LAMA3: variants seen among roughly 807,000 people sequenced by gnomAD.
LAMA3 encodes laminin subunit alpha 3.
Under a neutral mutation model 402.0 loss-of-function variants are expected in LAMA3, and 281 were observed. The ratio of observed to expected loss-of-function variants is 0.70; its 90% CI spans 0.63 to 0.77. LAMA3 has a LOEUF of 0.77. Ranked by LOEUF, LAMA3 falls within the 30% of genes least tolerant of loss-of-function variation. LAMA3 has a pLI of 0.00. For synonymous variants in LAMA3, 1,431 were observed against 1,558.4 expected (o/e 0.92, Z 1.93); for missense variants, 3,840 against 4,215.5 (o/e 0.91, Z 2.47).
chr18:23,912,697 C>T lies in LAMA3; in HGVS notation c.7159-14C>T. On this transcript the variant is annotated splice_polypyrimidine_tract_variant and intron_variant, in intron 55 of 74. Transcript: ENST00000313654. ...CAGGACAGTGTTTGACACCATGTAA[C>T]TTACTCCTCACAGGTTGCTGTCCCC... The T allele has an allele frequency of 6.2e-7, 1 of 1,612,486 alleles. No individual in the cohort carries two copies. The highest frequency in any genetic ancestry group is 8.5e-7 in the Non-Finnish European group (1 of 1,178,520).
At chr18:23,849,799 T>G (rs531943734) in intron 32 of LAMA3, among the ~76,000 whole-genome samples, 2 of 152,330 alleles carry the variant, frequency 1.3e-5, no homozygotes, top group South Asian at 4.1e-4. Context: ...GTATTACACT[T>G]AAACCAAGAT....
Position 23,915,174 on chromosome 18 carries a change from G to A in LAMA3, c.7645-115G>A, listed in dbSNP as rs1667195885. 17 of 1,214,978 alleles carry A rather than the reference G, an allele frequency of 1.4e-5. No homozygotes were observed. In the South Asian group the frequency reaches 1.9e-4, roughly 14 times the overall value. 75.3% of individuals were successfully genotyped at this position (1,214,978 alleles called of 1,614,324 possible). ...CAAAGCCAGGGCATCTTGTTCCAGG[G>A]TTCACATTCTTAATTAACCCTTATG... On this transcript the variant is annotated intron_variant, in intron 58 of 74. Transcript: ENST00000313654.
At chr18:23,704,556 C>G (rs775721904) in intron 1 of LAMA3, among the ~76,000 whole-genome samples, 8 of 152,226 alleles carry the variant, frequency 5.3e-5, no homozygotes, top group Non-Finnish European at 1.0e-4. Flanking sequence ...CTTTGCTGGG[C>G]TCCCACACCC....
intron 23 of LAMA3, 112 bp downstream of exon 23, chr18:23,827,579 C>A (rs1450792183): frequency 3.3e-6 from 4 of 1,210,102 alleles, no homozygotes; most frequent in East Asian, 2.5e-5. Context: ...GGAAGAATTT[C>A]TCAGAGGTGT....
chr18:23,840,477 G>A (rs1182504335), intron 27 of LAMA3, among the ~76,000 whole-genome samples: 2 of 149,662 alleles, frequency 1.3e-5, no homozygotes, highest in African/African-American at 2.5e-5. Flanking sequence ...CCAACTCCTG[G>A]GCTCAGGCAA....
At chr18:23,883,434 T>C (rs1049202109) in intron 40 of LAMA3, among the ~76,000 whole-genome samples, 7 of 152,326 alleles carry the variant, frequency 4.6e-5, no homozygotes, top group African/African-American at 1.4e-4. Flanking sequence ...AAGCAAGAGT[T>C]GTTCTGAAAA....
intron 27 of LAMA3, among the ~76,000 whole-genome samples, 174 bp from the exon 28 acceptor site, chr18:23,842,221 G>A (rs2063716470): frequency 1.3e-5 from 2 of 152,204 alleles, no homozygotes; most frequent in African/African-American, 4.8e-5. Flanking sequence ...CAACAAAAAA[G>A]CTACTGTAAA....
chr18:23,796,878 T>G (rs2062773021), intron 12 of LAMA3, among the ~76,000 whole-genome samples: 1 of 152,106 alleles, frequency 6.6e-6, no homozygotes, highest in Non-Finnish European at 1.5e-5. Context: ...GACCTCTGCT[T>G]CTAAAGGTCT....
At position 23,690,758 on chromosome 18, in the gene LAMA3, G is replaced by GC. The variant is rs111379338; in HGVS notation, c.294+788dup. The stretch of plus-strand genomic sequence containing the variant: ...TGGGCGTAGCTGGGACTACAGGCGT[G>GC]CCCCCCCGTGCCTGGCAATTTTTTT... On this transcript the variant is annotated intron_variant, in intron 1 of 74. Transcript: ENST00000313654. 1.4e-3 allele frequency among the ~76,000 whole-genome samples: 203 copies of GC among 143,596 alleles called. 1 individual carries two copies. Among genetic ancestry groups the GC allele is most frequent in the African/African-American group, 3.7e-3 (148 of 39,488 alleles). The allele number at this position is 143,596 out of a possible 152,430, so 94.2% of individuals were successfully genotyped here. A position where few individuals can be genotyped will look rare whatever the true frequency, so the allele number is the denominator to read the frequency against.
At chr18:23,803,938 G>A (rs1288437424) in intron 12 of LAMA3, among the ~76,000 whole-genome samples, 1 of 152,198 alleles carries the variant, frequency 6.6e-6, no homozygotes, top group African/African-American at 2.4e-5. Flanking sequence ...GCTTACTTGT[G>A]TAGAGGCTGC....
intron 2 of LAMA3, among the ~76,000 whole-genome samples, chr18:23,724,911 T>C (rs1199061813): frequency 6.6e-6 from 1 of 152,184 alleles, no homozygotes; most frequent in East Asian, 1.9e-4. Flanking sequence ...TTCTCATATC[T>C]GTGACCCTGC....
At position 23,803,431 on chromosome 18, in the gene LAMA3, A is replaced by G. The variant is rs190365157; in HGVS notation, c.1604-6935A>G. ...GCCCACTGGACAATGATAGAAGTGGATGGGACAGAGGCTGCCGGGTATCCA... is the reference window on the plus strand; with the variant it reads ...GCCCACTGGACAATGATAGAAGTGGGTGGGACAGAGGCTGCCGGGTATCCA... On this transcript the variant is annotated intron_variant, in intron 12 of 74. Coordinates refer to ENST00000313654, the MANE Select transcript of LAMA3 (RefSeq NM_198129.4). Among the ~76,000 whole-genome samples the G allele has an allele frequency of 1.2e-4, 18 of 152,298 alleles. No individual in the cohort carries two copies. The East Asian group carries it at 3.5e-3, about 29-fold the overall frequency.
intron 32 of LAMA3, among the ~76,000 whole-genome samples, 163 bp from the exon 33 acceptor site, chr18:23,857,677 TGTAA>T (rs1454484362): frequency 1.3e-5 from 2 of 152,272 alleles, no homozygotes; most frequent in Non-Finnish European, 2.9e-5. Flanking sequence ...ACCTACATTC[TGTAA>T]GTGCCTTTTA....
At chr18:23,881,873 C>T (rs1019293466) in intron 39 of LAMA3, 63 bp from the exon 40 acceptor site, 1 of 1,057,288 alleles carries the variant, frequency 9.5e-7, no homozygotes, top group Non-Finnish European at 1.5e-6. Context: ...AGTAAGATTA[C>T]AATAATCTCA....
At chr18:23,822,403 C>T (rs369771306) in intron 20 of LAMA3, 28 bp downstream of exon 20, 50 of 1,606,232 alleles carry the variant, frequency 3.1e-5, no homozygotes, top group Non-Finnish European at 4.2e-5. Flanking sequence ...AATGTCAAGC[C>T]TCTTTTCAAT....
Position 23,833,959 on chromosome 18 carries a change from C to T in LAMA3, c.2955C>T (p.Gly985=). 4 of 1,614,210 alleles carry T rather than the reference C, an allele frequency of 2.5e-6. No individual in the cohort carries two copies. In the East Asian group the frequency reaches 6.7e-5, roughly 27 times the overall value. The change falls in exon 24 of 75, where the codon GGC becomes GGT. Residue 985 remains glycine (G), a synonymous_variant. Transcript: ENST00000313654. The part of the protein sequence containing the change: ...NVKSSGSVLA[G]QVNIYSCNYS... ...AGAGCTCCGGGTCTGTTCTGGCAGG[C>T]CAGGTGAACATTTACAGCTGCAACT...
At chr18:23,943,480 T>TTA (rs1337005823) in intron 68 of LAMA3, among the ~76,000 whole-genome samples, 2 of 152,220 alleles carry the variant, frequency 1.3e-5, no homozygotes, top group Non-Finnish European at 2.9e-5. Flanking sequence ...CATGGACTTT[T>TTA]TATAAAAGAT....
chr18:23,904,566 G>A lies in LAMA3; in HGVS notation c.6487G>A (p.Ala2163Thr), dbSNP rs761568607. 1.4e-5 allele frequency: 23 copies of A among 1,597,682 alleles called. No individual in the cohort carries two copies. In the East Asian group the frequency reaches 3.4e-4, roughly 23 times the overall value. The change falls in exon 51 of 75, where the codon GCC becomes ACC. Residue 2163 changes from alanine to threonine, a missense_variant. Ala to Thr is a moderately conservative substitution (Grantham distance 58). Around this residue, in one of 3 missense-constraint regions of LAMA3, gnomAD observed 891 missense variants for 857.5 expected, o/e 1.04. Coordinates refer to ENST00000313654, the MANE Select transcript of LAMA3 (RefSeq NM_198129.4). Reference protein sequence around the residue: ...AKQLEEIKRNASGDELVRCAV... With the variant: ...AKQLEEIKRNTSGDELVRCAV... ...CCTGTCTTCCAGGATCAAGAGAAAC[G>A]CCAGCGGGGATGAGCTGGTGCGCTG...
chr18:23,737,981 G>A (rs1008330840), intron 2 of LAMA3, among the ~76,000 whole-genome samples: 4 of 152,202 alleles, frequency 2.6e-5, no homozygotes, highest in Admixed American at 2.6e-4. Context: ...GTCACGCTGA[G>A]CTGGGGTGGA....
Sources: allele counts gnomAD v4.1 joint callset (sites outside exome capture counted in the v4.1 genomes callset), GRCh38; gene constraint gnomAD v4.1.1; regional missense constraint gnomAD v4.1.1; transcripts MANE v1.5; gene names NCBI Gene and HGNC (gene_info 2026-07-23, HGNC 2026-07-21).